The following ROBO1 variants were observed in gnomAD, a reference collection of about 807,000 sequenced individuals.
ROBO1 encodes the protein roundabout homolog 1.
ROBO1 carries 149 observed loss-of-function variants against 195.9 expected under a neutral mutation model. That is an observed-to-expected ratio of 0.76 (90% CI 0.67 to 0.87). The LOEUF (loss-of-function observed/expected upper bound fraction) is 0.87, where lower values mean the gene tolerates loss of function less well. ROBO1 is among the 40% of genes least tolerant of loss of function. The pLI, the probability that ROBO1 is intolerant of heterozygous loss-of-function variation, is 0.00. For synonymous variants in ROBO1, 816 were observed against 733.2 expected (o/e 1.11, Z -1.82); for missense variants, 1,933 against 2,068.3 (o/e 0.93, Z 1.27).
chr3:79,649,454 T>C (rs1945934981), intron 1 of ROBO1, among the ~76,000 whole-genome samples: 1 of 152,048 alleles, frequency 6.6e-6, no homozygotes, highest in South Asian at 2.1e-4. Flanking sequence ...AATAATTGAA[T>C]TAAAATTCTA....
At chr3:78,734,179 A>T (rs543175671) in intron 5 of ROBO1, among the ~76,000 whole-genome samples, 1 of 152,242 alleles carries the variant, frequency 6.6e-6, no homozygotes, top group East Asian at 1.9e-4. Context: ...GTGATTTTCA[A>T]GAGTTGGCGG....
In ROBO1 at chr3:78,597,975, A is replaced by C. The variant is rs1702938837; in HGVS notation, c.*938T>G. On this transcript the variant is annotated 3_prime_UTR_variant, in exon 31 of 31. Coordinates refer to ENST00000464233, the MANE Select transcript of ROBO1 (RefSeq NM_002941.4). ...CAAAAAAAAAAAAAAAAAGAGAGAG[A>C]GATTAAAAACAGTGCATTACAAAAA... 6.6e-6 allele frequency: 1 copy of C among 150,720 alleles called. No individual in the cohort carries two copies. Among genetic ancestry groups the C allele is most frequent in the Non-Finnish European group, 1.5e-5 (1 of 67,568 alleles). The allele number at this position is 150,720 out of a possible 1,614,324, so 9.3% of individuals were successfully genotyped here. A position where few individuals can be genotyped will look rare whatever the true frequency, so the allele number is the denominator to read the frequency against.
At chr3:79,616,443 C>G (rs948538491) in intron 1 of ROBO1, among the ~76,000 whole-genome samples, 1 of 152,068 alleles carries the variant, frequency 6.6e-6, no homozygotes, top group African/African-American at 2.4e-5. Context: ...GCTGTAGGAT[C>G]CCAAGAGATT....
chr3:78,843,698 A>T (rs1437076694), intron 4 of ROBO1, among the ~76,000 whole-genome samples: 1 of 152,130 alleles, frequency 6.6e-6, no homozygotes. Context: ...TGCAAAGCTA[A>T]CTTTCATTCT....
At chr3:79,748,448 T>A (rs1703968596) in intron 1 of ROBO1, among the ~76,000 whole-genome samples, 1 of 152,242 alleles carries the variant, frequency 6.6e-6, no homozygotes. Flanking sequence ...ATTCTTAATA[T>A]GGATCTCCAT....
At chr3:79,765,973 A>G (rs4856324) in intron 1 of ROBO1, among the ~76,000 whole-genome samples, 49,379 of 151,988 alleles carry the variant, frequency 0.32, 9,313 homozygotes, top group Middle Eastern at 0.52. Context: ...TACACAGGGC[A>G]GATGACACAG....
intron 3 of ROBO1, among the ~76,000 whole-genome samples, chr3:79,038,342 G>A (rs1304653654): frequency 6.6e-6 from 1 of 152,138 alleles, no homozygotes; most frequent in African/African-American, 2.4e-5. Context: ...CCTCCCTACA[G>A]TTATTGCAGA....
intron 22 of ROBO1, among the ~76,000 whole-genome samples, chr3:78,639,476 C>T (rs1705786120): frequency 6.6e-6 from 1 of 152,132 alleles, no homozygotes; most frequent in Non-Finnish European, 1.5e-5. Context: ...AATACTTTCA[C>T]ATGATTTTAT....
chr3:79,214,646 A>G (rs912137536), intron 2 of ROBO1, among the ~76,000 whole-genome samples: 2 of 151,892 alleles, frequency 1.3e-5, no homozygotes, highest in South Asian at 4.2e-4. Context: ...GGTGGTTCAT[A>G]TATGCCAGGA....
At chr3:79,597,155 T>C in intron 1 of ROBO1, among the ~76,000 whole-genome samples, 1 of 151,290 alleles carries the variant, frequency 6.6e-6, no homozygotes, top group East Asian at 1.9e-4. Context: ...GTGTGTATTA[T>C]GACTGACTAA....
At chr3:78,618,563 G>A (rs1704263817) in intron 26 of ROBO1, among the ~76,000 whole-genome samples, 1 of 151,586 alleles carries the variant, frequency 6.6e-6, no homozygotes, top group Admixed American at 6.6e-5. Context: ...ATTTAAAAAA[G>A]CACACATTCA....
chr3:79,742,395 G>A (rs374382067), intron 1 of ROBO1, among the ~76,000 whole-genome samples: 12 of 152,304 alleles, frequency 7.9e-5, no homozygotes, highest in Middle Eastern at 3.4e-3. Flanking sequence ...GGCTAAAAGG[G>A]CCAGATATGT....
intron 19 of ROBO1, among the ~76,000 whole-genome samples, chr3:78,649,261 C>G (rs762462883): frequency 2.6e-5 from 4 of 152,076 alleles, no homozygotes; most frequent in African/African-American, 4.8e-5. Context: ...TCCTAGCTAA[C>G]TGCTAACCCC....
At chr3:79,007,711 T>C (rs2108183474) in intron 3 of ROBO1, among the ~76,000 whole-genome samples, 1 of 152,356 alleles carries the variant, frequency 6.6e-6, no homozygotes, top group African/African-American at 2.4e-5. Context: ...ATGCAAACAT[T>C]GTAGAATGGT....
chr3:79,291,599 T>C (rs2032251711), intron 2 of ROBO1, among the ~76,000 whole-genome samples: 1 of 152,160 alleles, frequency 6.6e-6, no homozygotes. Context: ...CAGTGGAGCG[T>C]GAGATTTCAA....
intron 2 of ROBO1, among the ~76,000 whole-genome samples, chr3:79,286,355 C>A (rs2031885328): frequency 6.6e-6 from 1 of 152,182 alleles, no homozygotes. Context: ...TCCCATATCT[C>A]CCAATAACAC....
intron 8 of ROBO1, among the ~76,000 whole-genome samples, chr3:78,705,737 C>T (rs929941083): frequency 1.3e-5 from 2 of 152,126 alleles, no homozygotes; most frequent in Admixed American, 6.6e-5. Flanking sequence ...TCATCCAATC[C>T]GTTGAGGGTC....
intron 4 of ROBO1, among the ~76,000 whole-genome samples, chr3:78,765,595 T>C (rs887262589): frequency 6.6e-6 from 1 of 152,112 alleles, no homozygotes; most frequent in Non-Finnish European, 1.5e-5. Flanking sequence ...ATAAAGTATA[T>C]TTTTAGATTA....
At chr3:79,254,992 C>G (rs1311106088) in intron 2 of ROBO1, among the ~76,000 whole-genome samples, 1 of 152,126 alleles carries the variant, frequency 6.6e-6, no homozygotes, top group Non-Finnish European at 1.5e-5. Flanking sequence ...CAATAACTGG[C>G]ACACAGTAAA....
Sources: gnomAD v4.1 joint callset for allele counts (sites outside exome capture counted in the v4.1 genomes callset) on GRCh38, gnomAD v4.1.1 for gene constraint, MANE v1.5 for transcripts, NCBI Gene and HGNC (gene_info 2026-07-23, HGNC 2026-07-21) for gene names.